Variants in ASIC2 observed in about 807,000 individuals in gnomAD.
ASIC2 encodes the protein acid sensing ion channel subunit 2.
Under a neutral mutation model 57.3 loss-of-function variants are expected in ASIC2, and 25 were observed. The observed-to-expected ratio is 0.44, with a 90% CI of 0.32 to 0.61. The LOEUF (loss-of-function observed/expected upper bound fraction) is 0.61, where lower values mean the gene tolerates loss of function less well. ASIC2 is among the 20% of genes least tolerant of loss of function. ASIC2 has a pLI of 0.06. For missense variants in ASIC2, 641 were observed against 738.1 expected, an observed-to-expected ratio of 0.87 and a Z score of 1.52; for synonymous variants, 319 against 307.5, an observed-to-expected ratio of 1.04 and a Z score of -0.39.
chr17:33,925,447 T>C (rs907821150), intron 1 of ASIC2, among the ~76,000 whole-genome samples: 1 of 152,210 alleles, frequency 6.6e-6, no homozygotes, highest in Non-Finnish European at 1.5e-5. Flanking sequence ...TAGAGCTTCT[T>C]TCTTCCAAGA....
chr17:33,346,094 G>A (rs1435816840), intron 1 of ASIC2, among the ~76,000 whole-genome samples: 2 of 151,896 alleles, frequency 1.3e-5, no homozygotes, highest in African/African-American at 2.4e-5. Flanking sequence ...AGGCATGGTC[G>A]TGGGCGTCTG....
chr17:34,050,427 G>A (rs368568182), intron 1 of ASIC2, among the ~76,000 whole-genome samples: 4 of 152,062 alleles, frequency 2.6e-5, no homozygotes, highest in East Asian at 1.9e-4. Context: ...AGGCTGGCAC[G>A]GTTACTCATA....
Position 33,699,999 on chromosome 17 carries a change from A to AAC in ASIC2, c.555+455978_555+455979insGT, listed in dbSNP as rs1555552943. On this transcript the variant is annotated intron_variant, in intron 1 of 9. Transcript: ENST00000359872. ...GTATCTATGCTTAATGGAAAAAAAA[A>AAC]CCCTGAAAACCAGAAGGTTAAGAAA... Among the ~76,000 whole-genome samples the AAC allele has an allele frequency of 9.9e-5, 15 of 152,066 alleles. 1 individual carries two copies. Among genetic ancestry groups the AAC allele is most frequent in the African/African-American group, 2.7e-4 (11 of 41,450 alleles).
At chr17:33,493,991 A>C (rs1913847901) in intron 1 of ASIC2, among the ~76,000 whole-genome samples, 1 of 152,248 alleles carries the variant, frequency 6.6e-6, no homozygotes, top group Admixed American at 6.5e-5. Flanking sequence ...AGACTCTTAC[A>C]GCCAACCTGA....
chr17:33,318,489 T>TC, intron 1 of ASIC2, among the ~76,000 whole-genome samples: 1 of 152,152 alleles, frequency 6.6e-6, no homozygotes, highest in Non-Finnish European at 1.5e-5. Flanking sequence ...CCTGCTGCCC[T>TC]CCCTCGTTTG....
intron 1 of ASIC2, among the ~76,000 whole-genome samples, chr17:33,422,942 A>G (rs1911096724): frequency 6.6e-6 from 1 of 152,192 alleles, no homozygotes. Flanking sequence ...AGAGAGTCAC[A>G]GGGAGAACTG....
At chr17:33,429,110 G>C (rs911298456) in intron 1 of ASIC2, among the ~76,000 whole-genome samples, 2 of 152,156 alleles carry the variant, frequency 1.3e-5, no homozygotes, top group African/African-American at 2.4e-5. Flanking sequence ...TGGTCTCCTG[G>C]AACTCTCTTG....
At chr17:33,496,688 GCTCATTGCAACCTCCGC>G (rs1483735923) in intron 1 of ASIC2, among the ~76,000 whole-genome samples, 1 of 130,006 alleles carries the variant, frequency 7.7e-6, no homozygotes, top group African/African-American at 3.0e-5. Context: ...TGCGAACTCA[GCTCATTGCAACCTCCGC>G]CTCCTGGGTT....
intron 1 of ASIC2, among the ~76,000 whole-genome samples, chr17:33,479,783 T>C (rs1913343545): frequency 6.6e-6 from 1 of 152,172 alleles, no homozygotes; most frequent in Admixed American, 6.5e-5. Flanking sequence ...TCTCCTAAGC[T>C]TTCATCTGAG....
chr17:33,121,143 G>C (rs1012764629), intron 1 of ASIC2, among the ~76,000 whole-genome samples: 1 of 152,240 alleles, frequency 6.6e-6, no homozygotes, highest in Non-Finnish European at 1.5e-5. Flanking sequence ...TCGTGCATAA[G>C]CCCTGCAGGA....
intron 1 of ASIC2, among the ~76,000 whole-genome samples, chr17:33,319,463 T>C (rs1396782888): frequency 6.6e-6 from 1 of 152,190 alleles, no homozygotes; most frequent in African/African-American, 2.4e-5. Context: ...TTCCCTGTGT[T>C]CATGTGGGAT....
At chr17:33,144,232 T>C (rs1326952572) in intron 1 of ASIC2, among the ~76,000 whole-genome samples, 4 of 151,612 alleles carry the variant, frequency 2.6e-5, no homozygotes, top group Non-Finnish European at 5.9e-5. Context: ...TTTGGGAACA[T>C]GGAATGTACA....
rs575460299 is a variant in ASIC2, at chr17:34,084,796, T to C, written c.555+71182A>G. Among the ~76,000 whole-genome samples the C allele has an allele frequency of 1.2e-3, 184 of 152,310 alleles. 5 individuals carry two copies. The highest frequency in any genetic ancestry group is 3.9e-3 in the African/African-American group (163 of 41,550). On this transcript the variant is annotated intron_variant, in intron 1 of 9. Transcript: ENST00000359872. Reference sequence around the variant, plus strand: ...TGGATTCCTAGGTATTTTATTCTCTTTGAAGCAATTGTGAATGGGAGTTCA... The same window carrying C: ...TGGATTCCTAGGTATTTTATTCTCTCTGAAGCAATTGTGAATGGGAGTTCA...
intron 1 of ASIC2, among the ~76,000 whole-genome samples, chr17:34,057,022 C>A (rs1908789855): frequency 1.3e-5 from 2 of 152,226 alleles, no homozygotes; most frequent in South Asian, 4.1e-4. Context: ...TCATTCCCAA[C>A]TGAAGCCATA....
At chr17:33,815,165 A>G (rs1912539289) in intron 1 of ASIC2, among the ~76,000 whole-genome samples, 2 of 152,088 alleles carry the variant, frequency 1.3e-5, no homozygotes, top group South Asian at 4.1e-4. Flanking sequence ...CTCAGTTCCC[A>G]TCTTTAAATT....
At chr17:33,066,862 A>T (rs1296749785) in intron 3 of ASIC2, among the ~76,000 whole-genome samples, 1 of 152,212 alleles carries the variant, frequency 6.6e-6, no homozygotes, top group Non-Finnish European at 1.5e-5. Flanking sequence ...AGGAAAATGA[A>T]GGATTCCCTC....
chr17:33,124,402 C>T (rs4078691), intron 1 of ASIC2, among the ~76,000 whole-genome samples: 23,922 of 152,264 alleles, frequency 0.16, 2,255 homozygotes, highest in Non-Finnish European at 0.21. Context: ...CTTTCTAGAT[C>T]TGTAACAGAC....
rs377692042 is a variant in ASIC2 at position 33,536,522 on chromosome 17, C to T, written c.556-424455G>A. ...ACAGAGCAGATTGTTAAATGCCTAC[C>T]GACACATCCACTGAATATTTTCCAA... On this transcript the variant is annotated intron_variant, in intron 1 of 9. Coordinates refer to the ASIC2 transcript ENST00000359872. Among the ~76,000 whole-genome samples the T allele has an allele frequency of 8.5e-5, 13 of 152,218 alleles. No individual in the cohort carries two copies. In the South Asian group the frequency reaches 1.7e-3, roughly 19 times the overall value.
At chr17:33,685,842 T>C (rs549688982) in intron 1 of ASIC2, among the ~76,000 whole-genome samples, 1 of 152,284 alleles carries the variant, frequency 6.6e-6, no homozygotes, top group Admixed American at 6.5e-5. Flanking sequence ...GCGTCTGATA[T>C]GGTGCCCATA....
Sources: allele counts gnomAD v4.1 joint callset (sites outside exome capture counted in the v4.1 genomes callset), GRCh38; gene constraint gnomAD v4.1.1; transcripts MANE v1.5; gene names NCBI Gene and HGNC (gene_info 2026-07-23, HGNC 2026-07-21).